The following LARS2 variants were observed in gnomAD, a reference collection of about 807,000 sequenced individuals.
LARS2 encodes the protein leucyl-tRNA synthetase 2, mitochondrial.
A neutral mutation model predicts 116.6 loss-of-function variants in LARS2; 81 were observed. The ratio of observed to expected loss-of-function variants is 0.69; its 90% CI spans 0.58 to 0.84. The LOEUF is 0.84. LARS2 is among the 40% of genes least tolerant of loss of function. LARS2 has a pLI of 0.00. For synonymous variants in LARS2, 396 were observed against 407.2 expected (o/e 0.97, Z 0.33); for missense variants, 968 against 1,114.5 (o/e 0.87, Z 1.87).
chr3:45,471,792 G>A (rs1699529198), intron 8 of LARS2, among the ~76,000 whole-genome samples: 1 of 152,128 alleles, frequency 6.6e-6, no homozygotes, highest in Non-Finnish European at 1.5e-5. Context: ...TTGCGTGCTC[G>A]TTGACATTTA....
chr3:45,450,000 C>A (rs548182918), intron 7 of LARS2, among the ~76,000 whole-genome samples: 22 of 152,286 alleles, frequency 1.4e-4, no homozygotes, highest in Non-Finnish European at 2.8e-4. Flanking sequence ...AACATAAAGA[C>A]CTCTACTTGG....
intron 21 of LARS2, among the ~76,000 whole-genome samples, chr3:45,543,054 G>A (rs113696188): frequency 3.3e-5 from 5 of 152,302 alleles, no homozygotes; most frequent in South Asian, 2.1e-4. Flanking sequence ...CTGGAGGTTT[G>A]GAAAGACAAT....
intron 4 of LARS2, among the ~76,000 whole-genome samples, chr3:45,412,869 CAG>C (rs1698353674): frequency 6.6e-6 from 1 of 152,242 alleles, no homozygotes; most frequent in South Asian, 2.1e-4. Flanking sequence ...TACTGTAGGG[CAG>C]AGTCCTTGCC....
intron 6 of LARS2, among the ~76,000 whole-genome samples, chr3:45,438,044 G>A (rs1188956393): frequency 6.6e-6 from 1 of 152,124 alleles, no homozygotes; most frequent in East Asian, 1.9e-4. Flanking sequence ...TAAATTCAGA[G>A]GTCAAGCCCA....
chr3:45,525,421 C>A (rs1700517830), intron 20 of LARS2, among the ~76,000 whole-genome samples: 1 of 152,168 alleles, frequency 6.6e-6, no homozygotes, highest in South Asian at 2.1e-4. Flanking sequence ...CAGTTTCTGA[C>A]TTTAAGCATC....
chr3:45,460,299 A>G (rs1699293873), intron 8 of LARS2, among the ~76,000 whole-genome samples: 1 of 152,220 alleles, frequency 6.6e-6, no homozygotes. Flanking sequence ...AGGATGTTGC[A>G]TTCTCTAACA....
chr3:45,514,049 T>C (rs1313116544), intron 16 of LARS2, among the ~76,000 whole-genome samples: 1 of 151,778 alleles, frequency 6.6e-6, no homozygotes, highest in South Asian at 2.1e-4. Context: ...CTACTAAAAA[T>C]ACAAAAATGA....
intron 20 of LARS2, among the ~76,000 whole-genome samples, chr3:45,535,783 C>T (rs1700697345): frequency 6.6e-6 from 1 of 151,524 alleles, no homozygotes; most frequent in Non-Finnish European, 1.5e-5. Context: ...CACCCACATA[C>T]ACACACATTA....
intron 4 of LARS2, among the ~76,000 whole-genome samples, chr3:45,403,881 C>T (rs1298415861): frequency 6.6e-6 from 1 of 152,154 alleles, no homozygotes; most frequent in African/African-American, 2.4e-5. Flanking sequence ...CATTTAATGT[C>T]CCTGTATCCC....
chr3:45,400,501 A>G, intron 4 of LARS2, 128 bp downstream of exon 4: 1 of 864,632 alleles, frequency 1.2e-6, no homozygotes, highest in Non-Finnish European at 1.7e-6. Context: ...GAAGATGGAC[A>G]TGAAAAGCTC....
intron 10 of LARS2, among the ~76,000 whole-genome samples, chr3:45,481,207 A>G (rs2125723191): frequency 6.6e-6 from 1 of 152,228 alleles, no homozygotes; most frequent in African/African-American, 2.4e-5. Flanking sequence ...TTTCCTTTTT[A>G]TTTCCAAATA....
chr3:45,436,142 GC>G (rs1698797202), intron 6 of LARS2, among the ~76,000 whole-genome samples: 1 of 152,040 alleles, frequency 6.6e-6, no homozygotes, highest in Non-Finnish European at 1.5e-5. Context: ...CTCATTTTGG[GC>G]ACTGCTGTCA....
At chr3:45,439,643 T>A (rs1455728578) in intron 6 of LARS2, among the ~76,000 whole-genome samples, 1 of 152,074 alleles carries the variant, frequency 6.6e-6, no homozygotes, top group Admixed American at 6.5e-5. Context: ...TTTTTTATGT[T>A]TGTTTTGTGA....
intron 9 of LARS2, 40 bp from the exon 10 acceptor site, chr3:45,476,428 A>G (rs1699609773): frequency 6.2e-7 from 1 of 1,609,562 alleles, no homozygotes; most frequent in African/African-American, 1.3e-5. Context: ...GCCCAAAGGG[A>G]GGACTGAGAA....
At position 45,548,378 on chromosome 3, in the gene LARS2, C is replaced by A. The variant is rs1242073844; in HGVS notation, c.*848C>A. ...TGCTGGTCCCAACCTCAGAGCCCCA[C>A]CGCAGCCCAGTAGGGATGCAGCACG... On this transcript the variant is annotated 3_prime_UTR_variant, in exon 22 of 22. Transcript: ENST00000645846. 1 of 152,354 alleles carries A rather than the reference C, an allele frequency of 6.6e-6. No homozygotes were observed. The highest frequency in any genetic ancestry group is 1.5e-5 in the Non-Finnish European group (1 of 68,130). 9.4% of individuals were successfully genotyped at this position (152,354 alleles called of 1,614,324 possible).
At chr3:45,481,318 T>G (rs1277344677) in intron 10 of LARS2, among the ~76,000 whole-genome samples, 2 of 152,260 alleles carry the variant, frequency 1.3e-5, no homozygotes, top group Non-Finnish European at 2.9e-5. Flanking sequence ...TAAATAATAC[T>G]TCTATGAACA....
chr3:45,529,439 C>T (rs1700581562), intron 20 of LARS2, among the ~76,000 whole-genome samples: 4 of 151,596 alleles, frequency 2.6e-5, no homozygotes, highest in Admixed American at 2.0e-4. Context: ...ATCCCAGCTA[C>T]TCAGGAGGCT....
Position 45,465,897 on chromosome 3 carries a change from T to C in LARS2, c.750+7011T>C, listed in dbSNP as rs115571808. 2.4e-3 allele frequency among the ~76,000 whole-genome samples: 366 copies of C among 152,282 alleles called. 3 individuals are homozygous for C. The highest frequency in any genetic ancestry group is 8.6e-3 in the African/African-American group (357 of 41,552). On this transcript the variant is annotated intron_variant, in intron 8 of 21. Transcript: ENST00000645846. The stretch of plus-strand genomic sequence containing the variant: ...CCCTGACTTCTTGCGCACACTCCAC[T>C]GTCCGTCCCTGTCAGGGAAATAAAG...
Position 45,489,616 on chromosome 3 carries a change from TCACGTGTCTTAGATCC to T in LARS2, c.1239+808_1239+823del, listed in dbSNP as rs2125730925. Among the ~76,000 whole-genome samples the T allele has an allele frequency of 1.3e-5, 2 of 152,302 alleles. 1 individual carries two copies. The highest frequency in any genetic ancestry group is 4.1e-4 in the South Asian group (2 of 4,828). On this transcript the variant is annotated intron_variant, in intron 12 of 21. Coordinates refer to ENST00000645846, the MANE Select transcript of LARS2 (RefSeq NM_015340.4). ...GGTCCCTGGACCAGCAGTACTGGCA[TCACGTGTCTTAGATCC>T]CACCCTAGTCTAATAAGATCCCTAT...
Sources: gnomAD v4.1 joint callset for allele counts (sites outside exome capture counted in the v4.1 genomes callset) on GRCh38, gnomAD v4.1.1 for gene constraint, MANE v1.5 for transcripts, NCBI Gene and HGNC (gene_info 2026-07-23, HGNC 2026-07-21) for gene names.